The following RNF2 variants were observed in gnomAD, a reference collection of about 807,000 sequenced individuals.
RNF2 encodes the protein ring finger protein 2.
RNF2 carries 6 observed loss-of-function variants against 37.2 expected under a neutral mutation model. The observed-to-expected ratio is 0.16, with a 90% confidence interval of 0.09 to 0.32. RNF2 has a LOEUF of 0.32. Among genes scored for constraint, RNF2 ranks in the 10% least tolerant of loss-of-function variants. The pLI is 1.00. For synonymous variants in RNF2, 133 were observed against 132.7 expected, an observed-to-expected ratio of 1.00 and a Z score of -0.02; for missense variants, 251 against 404.0, an observed-to-expected ratio of 0.62 and a Z score of 3.25.
chr1:185,082,364 T>TTTTTTTTTTTTG (rs1173750596), intron 1 of RNF2, among the ~76,000 whole-genome samples: 2 of 114,890 alleles, frequency 1.7e-5, no homozygotes, highest in Non-Finnish European at 3.8e-5. Context: ...TTTTTTTTTT[T>TTTTTTTTTTTTG]TTTGAAGACA....
At chr1:185,065,794 C>G (rs1650781262) in intron 1 of RNF2, among the ~76,000 whole-genome samples, 1 of 152,220 alleles carries the variant, frequency 6.6e-6, no homozygotes, top group Admixed American at 6.5e-5. Flanking sequence ...GGCATAAACT[C>G]TGGACACAAT....
chr1:185,078,304 T>C (rs1456987532), intron 1 of RNF2, among the ~76,000 whole-genome samples: 2 of 152,202 alleles, frequency 1.3e-5, no homozygotes, highest in East Asian at 3.9e-4. Context: ...TTCTAACATG[T>C]CTTTTGCCCC....
chr1:185,061,341 A>G (rs1650597277), intron 1 of RNF2, among the ~76,000 whole-genome samples: 1 of 151,488 alleles, frequency 6.6e-6, no homozygotes. Context: ...GTTAGCCAGG[A>G]TGGTCTCAAG....
chr1:185,052,798 A>G (rs1298022062), intron 1 of RNF2, among the ~76,000 whole-genome samples: 1 of 152,204 alleles, frequency 6.6e-6, no homozygotes, highest in Non-Finnish European at 1.5e-5. Flanking sequence ...GTGCTGGGCA[A>G]ATATCAGCTG....
Position 185,089,464 on chromosome 1 carries a change from G to A in RNF2, c.87+1824G>A, listed in dbSNP as rs546672672. 1.8e-3 allele frequency among the ~76,000 whole-genome samples: 269 copies of A among 152,246 alleles called. 1 individual carries two copies. Among genetic ancestry groups the A allele is most frequent in the Non-Finnish European group, 3.3e-3 (223 of 68,026 alleles). On this transcript the variant is annotated intron_variant, in intron 2 of 6. Coordinates refer to ENST00000367510, the MANE Select transcript of RNF2 (RefSeq NM_007212.4). ...CCCCCATGGATACCAAGGGTCGACC[G>A]TATATACTTGGTGACCTTGACAAGA... is the stretch of plus-strand genomic sequence containing the variant.
rs528147407 is a variant in RNF2, at chr1:185,069,315, G to C, written c.-2-18237G>C. 3.9e-5 allele frequency among the ~76,000 whole-genome samples: 6 copies of C among 152,112 alleles called. No individual in the cohort carries two copies. In the East Asian group the frequency reaches 1.2e-3, roughly 29 times the overall value. ...AAAAAATACACACAAAAACCAACTT[G>C]GCATGGTGGTTCATGCCTGTAGTCT... On this transcript the variant is annotated intron_variant, in intron 1 of 6. Transcript: ENST00000367510.
chr1:185,080,670 A>G (rs1232650539), intron 1 of RNF2, among the ~76,000 whole-genome samples: 3 of 152,208 alleles, frequency 2.0e-5, no homozygotes, highest in African/African-American at 4.8e-5. Context: ...AAATTCTGCA[A>G]AGTCATGAAG....
intron 1 of RNF2, chr1:185,071,556 T>C (rs931765988): frequency 1.3e-5 from 2 of 152,850 alleles, no homozygotes; most frequent in Non-Finnish European, 2.9e-5. Context: ...TCTATTTTCT[T>C]TTCACATCAT....
intron 1 of RNF2, among the ~76,000 whole-genome samples, chr1:185,054,366 A>C (rs1197006269): frequency 6.6e-6 from 1 of 152,134 alleles, no homozygotes; most frequent in Non-Finnish European, 1.5e-5. Context: ...GTGTTTTGGC[A>C]TCAGAAGCGA....
intron 1 of RNF2, among the ~76,000 whole-genome samples, chr1:185,066,220 A>G (rs1650795416): frequency 1.3e-5 from 2 of 152,060 alleles, no homozygotes; most frequent in South Asian, 4.1e-4. Context: ...CTTTCTTGAT[A>G]CCTTTGTATT....
intron 1 of RNF2, among the ~76,000 whole-genome samples, chr1:185,067,525 T>C (rs563483505): frequency 6.6e-6 from 1 of 152,312 alleles, no homozygotes; most frequent in East Asian, 1.9e-4. Context: ...GTTAATTTGA[T>C]GTGACCTTTA....
At chr1:185,070,635 TTTC>T (rs1571306075) in intron 1 of RNF2, among the ~76,000 whole-genome samples, 1 of 150,692 alleles carries the variant, frequency 6.6e-6, no homozygotes, top group African/African-American at 2.4e-5. Context: ...AGTATTTTCT[TTTC>T]TTTTTTTTTT....
At chr1:185,090,346 G>A (rs2102198351) in intron 2 of RNF2, among the ~76,000 whole-genome samples, 1 of 152,300 alleles carries the variant, frequency 6.6e-6, no homozygotes, top group East Asian at 1.9e-4. Flanking sequence ...CCAGGGTTGG[G>A]ATTTTGTTAG....
At chr1:185,060,436 G>T (rs1480779861) in intron 1 of RNF2, among the ~76,000 whole-genome samples, 1 of 152,164 alleles carries the variant, frequency 6.6e-6, no homozygotes, top group African/African-American at 2.4e-5. Context: ...GTAGGGATAT[G>T]AACTGAAGTT....
intron 1 of RNF2, among the ~76,000 whole-genome samples, chr1:185,049,755 G>A (rs1258257985): frequency 1.3e-5 from 2 of 152,042 alleles, no homozygotes; most frequent in African/African-American, 4.8e-5. Context: ...ACCCGGTGCT[G>A]GACTTTTGAG....
intron 1 of RNF2, among the ~76,000 whole-genome samples, chr1:185,083,095 T>TGGCCATCCAAAA (rs1462503404): frequency 1.3e-5 from 2 of 152,210 alleles, no homozygotes; most frequent in Non-Finnish European, 2.9e-5. Context: ...CTCTGGCCAT[T>TGGCCATCCAAAA]GTTTTTTTCC....
chr1:185,098,990 T>C (rs1651996220), intron 5 of RNF2, among the ~76,000 whole-genome samples: 1 of 150,806 alleles, frequency 6.6e-6, no homozygotes. Context: ...GACCTCGTGA[T>C]CCGCCTGCCT....
chr1:185,092,973 T>C (rs951629110), intron 3 of RNF2, 88 bp from the exon 4 acceptor site: 29 of 1,075,236 alleles, frequency 2.7e-5, no homozygotes, highest in East Asian at 1.7e-4. Flanking sequence ...GGAATAAAGG[T>C]GAATAACTAT....
In RNF2 at chr1:185,087,748, C is replaced by G. The variant is rs1651645610; in HGVS notation, c.87+108C>G. 3 of 801,314 alleles carry G rather than the reference C, an allele frequency of 3.7e-6. No homozygotes were observed. The South Asian group carries it at 4.9e-5, about 13-fold the overall frequency. 49.6% of individuals were successfully genotyped at this position (801,314 alleles called of 1,614,324 possible). ...CATAGAGTAATAATAAATTTATATT[C>G]AAGCATTCCTGACTTCTGTATGTTG... On this transcript the variant is annotated intron_variant, in intron 2 of 6. Coordinates refer to ENST00000367510, the MANE Select transcript of RNF2 (RefSeq NM_007212.4).
Sources: gnomAD v4.1 joint callset for allele counts (sites outside exome capture counted in the v4.1 genomes callset) on GRCh38, gnomAD v4.1.1 for gene constraint, MANE v1.5 for transcripts, NCBI Gene and HGNC (gene_info 2026-07-23, HGNC 2026-07-21) for gene names.